The following ETFB variants were observed in gnomAD, a reference collection of about 807,000 sequenced individuals.
The protein encoded by ETFB is beta-ETF.
A neutral mutation model predicts 25.6 loss-of-function variants in ETFB; 20 were observed. That is an observed-to-expected ratio of 0.78 (90% CI 0.55 to 1.14). The LOEUF (loss-of-function observed/expected upper bound fraction) is 1.14, where lower values mean the gene tolerates loss of function less well. Ranked by LOEUF, ETFB falls within the 50% of genes most tolerant of loss-of-function variation. The pLI is 0.00. For missense variants in ETFB, 286 were observed against 342.6 expected (o/e 0.83, Z 1.30); for synonymous variants, 142 against 146.7 (o/e 0.97, Z 0.23).
intron 1 of ETFB, chr19:51,355,281 A>C (rs1306743747): frequency 2.0e-5 from 3 of 153,148 alleles, no homozygotes; most frequent in South Asian, 2.0e-4. Context: ...AAGTGGGCGA[A>C]GGATATGAAT....
intron 3 of ETFB, among the ~76,000 whole-genome samples, chr19:51,350,708 C>T (rs879336619): frequency 6.6e-6 from 1 of 152,100 alleles, no homozygotes; most frequent in Admixed American, 6.5e-5. Flanking sequence ...TGGTCTTGAA[C>T]TGCTGACCTC....
At chr19:51,357,787 G>A (rs531285368) in intron 1 of ETFB, among the ~76,000 whole-genome samples, 6 of 152,166 alleles carry the variant, frequency 3.9e-5, no homozygotes, top group South Asian at 2.1e-4. Context: ...CACCGCTCCT[G>A]GCCCAACCTG....
At chr19:51,349,503 A>G (rs977403057) in intron 4 of ETFB, among the ~76,000 whole-genome samples, 1 of 143,614 alleles carries the variant, frequency 7.0e-6, no homozygotes, top group African/African-American at 2.6e-5. Context: ...GCTGGAGTAC[A>G]GTGGTATGAT....
intron 1 of ETFB, chr19:51,354,878 C>T (rs1986038658): frequency 1.4e-5 from 7 of 497,718 alleles, no homozygotes; most frequent in South Asian, 6.6e-5. Flanking sequence ...AGTTCCCTCC[C>T]CTTTTCAGGC....
intron 5 of ETFB, chr19:51,345,700 A>G (rs1186545466): frequency 4.6e-6 from 2 of 430,950 alleles, no homozygotes; most frequent in East Asian, 5.1e-5. Flanking sequence ...TTTGGTTGAG[A>G]TGGCATGCTG....
At chr19:51,362,170 C>T (rs909069440) in intron 1 of ETFB, among the ~76,000 whole-genome samples, 3,393 of 55,976 alleles carry the variant, frequency 0.061, 148 homozygotes, top group African/African-American at 0.15. Flanking sequence ...CATACACACA[C>T]ACACACACAC....
chr19:51,348,832 A>G (rs1171940449), intron 4 of ETFB, among the ~76,000 whole-genome samples: 1 of 152,218 alleles, frequency 6.6e-6, no homozygotes, highest in Non-Finnish European at 1.5e-5. Flanking sequence ...ATCTTTAGGA[A>G]TGTGTTTCTC....
intron 1 of ETFB, among the ~76,000 whole-genome samples, chr19:51,358,594 T>G (rs1458669180): frequency 6.6e-6 from 1 of 150,844 alleles, no homozygotes; most frequent in Admixed American, 6.6e-5. Flanking sequence ...AGGTCAAGAG[T>G]TCAAGACCAG....
chr19:51,363,781 T>C (rs1469621950), intron 1 of ETFB, among the ~76,000 whole-genome samples: 2 of 151,226 alleles, frequency 1.3e-5, no homozygotes, highest in Non-Finnish European at 2.9e-5. Context: ...AATCCATGAG[T>C]TGGAGTTGGG....
intron 1 of ETFB, among the ~76,000 whole-genome samples, chr19:51,358,829 AAC>A: frequency 2.6e-5 from 3 of 113,536 alleles, no homozygotes; most frequent in African/African-American, 1.3e-4. Context: ...AACAAACAAC[AAC>A]AAAAAAAAAA....
chr19:51,350,488 C>CT lies in ETFB; in HGVS notation c.376-98dup, dbSNP rs201239823. 433 of 703,094 alleles carry CT rather than the reference C, an allele frequency of 6.2e-4. 3 individuals are homozygous for CT. In the East Asian group the frequency reaches 9.2e-3, roughly 15 times the overall value. 43.6% of individuals were successfully genotyped at this position (703,094 alleles called of 1,614,324 possible). ...ACAGGGGTTGGCAAACTTTTTCTTT[C>CT]TTTTTTTTCTTTTTGAGACGGAGTC... On this transcript the variant is annotated intron_variant, in intron 3 of 5. Coordinates refer to ENST00000309244, the MANE Select transcript of ETFB (RefSeq NM_001985.3).
At chr19:51,352,190 A>G (rs1056199503) in intron 3 of ETFB, among the ~76,000 whole-genome samples, 7 of 151,628 alleles carry the variant, frequency 4.6e-5, no homozygotes, top group Non-Finnish European at 1.0e-4. Context: ...CTGGCCTCCA[A>G]TTTCCCATTC....
rs372586153 is a variant in ETFB, at chr19:51,346,883, G to C, written c.597+17C>G. 6.5e-6 allele frequency: 10 copies of C among 1,545,768 alleles called. No homozygotes were observed. In the African/African-American group the frequency reaches 6.8e-5, roughly 11 times the overall value. On this transcript the variant is annotated intron_variant, in intron 5 of 5. Coordinates refer to ENST00000309244, the MANE Select transcript of ETFB (RefSeq NM_001985.3). ...TGCCACCCCCAGGCCCTCAGTGCCC[G>C]CTGGCCAGGGGCTCACCATGATGTT...
At chr19:51,362,767 T>A (rs928799646) in intron 1 of ETFB, among the ~76,000 whole-genome samples, 1 of 151,956 alleles carries the variant, frequency 6.6e-6, no homozygotes, top group Non-Finnish European at 1.5e-5. Context: ...GGGCTTGGAG[T>A]CTGAGGTCTG....
At chr19:51,353,087 A>T in intron 3 of ETFB, 45 bp downstream of exon 3, 1 of 1,611,224 alleles carries the variant, frequency 6.2e-7, no homozygotes, top group Non-Finnish European at 8.5e-7. Context: ...CCTCCTCCCG[A>T]GCAGGGATGA....
intron 1 of ETFB, among the ~76,000 whole-genome samples, chr19:51,360,180 T>C (rs1471106053): frequency 6.6e-6 from 1 of 152,000 alleles, no homozygotes; most frequent in Non-Finnish European, 1.5e-5. Context: ...GGTGGGTGGA[T>C]CACTTGTGGT....
chr19:51,355,028 G>GT, intron 1 of ETFB: 1 of 233,466 alleles, frequency 4.3e-6, no homozygotes. Context: ...ATAACGGAGA[G>GT]TTATGCAGAT....
chr19:51,356,096 A>C (rs1986072967), intron 1 of ETFB: 1 of 151,978 alleles, frequency 6.6e-6, no homozygotes, highest in African/African-American at 2.4e-5. Context: ...GTATAATAAT[A>C]AAAAATAAAT....
intron 1 of ETFB, among the ~76,000 whole-genome samples, chr19:51,364,184 C>A (rs547830379): frequency 2.8e-4 from 43 of 151,622 alleles, no homozygotes; most frequent in Middle Eastern, 6.8e-3. Flanking sequence ...CACCAAGAGA[C>A]AATAGGGCAA....
Sources: allele counts gnomAD v4.1 joint callset (sites outside exome capture counted in the v4.1 genomes callset), GRCh38; gene constraint gnomAD v4.1.1; transcripts MANE v1.5; gene names NCBI Gene and HGNC (gene_info 2026-07-23, HGNC 2026-07-21).